The following PRRG4 variants were observed in gnomAD, a reference collection of about 807,000 sequenced individuals.
PRRG4 encodes the protein transmembrane gamma-carboxyglutamic acid protein 4.
Under a neutral mutation model 20.0 loss-of-function variants are expected in PRRG4, and 12 were observed. The observed-to-expected ratio is 0.60, with a 90% CI of 0.38 to 0.97. PRRG4 has a LOEUF of 0.97. Among genes scored for constraint, PRRG4 ranks in the 50% least tolerant of loss-of-function variants. PRRG4 has a pLI of 0.00. For synonymous variants in PRRG4, 94 were observed against 96.4 expected (o/e 0.98, Z 0.15); for missense variants, 199 against 265.1 (o/e 0.75, Z 1.73).
At chr11:32,847,296 C>A (rs572782360) in intron 5 of PRRG4, among the ~76,000 whole-genome samples, 1 of 151,342 alleles carries the variant, frequency 6.6e-6, no homozygotes, top group Non-Finnish European at 1.5e-5. Flanking sequence ...TAATAACCCA[C>A]GTTTTTTTTA....
At chr11:32,837,087 G>A (rs1851026914) in intron 3 of PRRG4, among the ~76,000 whole-genome samples, 1 of 152,154 alleles carries the variant, frequency 6.6e-6, no homozygotes, top group Non-Finnish European at 1.5e-5. Context: ...ATGGGGCAGA[G>A]TGAATTTAAC....
chr11:32,836,540 A>G, intron 2 of PRRG4, 118 bp from the exon 3 acceptor site: 1 of 480,950 alleles, frequency 2.1e-6, no homozygotes, highest in East Asian at 3.2e-5. Flanking sequence ...AAACTTTACA[A>G]AAAAGTTTGG....
rs759755035 is a variant in PRRG4 at position 32,840,343 on chromosome 11, T to A, written c.449+104T>A. 3 of 869,248 alleles carry A rather than the reference T, an allele frequency of 3.5e-6. No individual in the cohort carries two copies. Among genetic ancestry groups the A allele is most frequent in the Non-Finnish European group, 5.3e-6 (3 of 561,438 alleles). The allele number at this position is 869,248 out of a possible 1,614,324, so 53.8% of individuals were successfully genotyped here. ...TGCCTATTTTCTTAAATAAGCCTTT[T>A]ATTTTGGAAGAATTTTAGATGTATA... On this transcript the variant is annotated intron_variant, in intron 5 of 5. Transcript: ENST00000257836. The surrounding 1 kb of genome is among the most constrained non-coding windows in gnomAD (Gnocchi z 4.1).
chr11:32,845,724 G>A (rs1031557341), intron 5 of PRRG4, among the ~76,000 whole-genome samples: 43 of 151,964 alleles, frequency 2.8e-4, no homozygotes, highest in African/African-American at 9.4e-4. Context: ...TCACTTTGGC[G>A]GACATGGGTT....
chr11:32,840,321 C>T lies in PRRG4; in HGVS notation c.449+82C>T, dbSNP rs1851066281. 6.7e-6 allele frequency: 7 copies of T among 1,052,614 alleles called. No homozygotes were observed. The highest frequency in any genetic ancestry group is 9.7e-6 in the Non-Finnish European group (7 of 719,660). The allele number at this position is 1,052,614 out of a possible 1,614,324, so 65.2% of individuals were successfully genotyped here. On this transcript the variant is annotated intron_variant, in intron 5 of 5. Transcript: ENST00000257836. This position sits in a 1 kb window ranked among gnomAD's most constrained non-coding sequence, Gnocchi z 4.1. ...AACAATGGGTCAAGCAAATGGCTGC[C>T]TATTTTCTTAAATAAGCCTTTTATT...
At position 32,848,888 on chromosome 11, in the gene PRRG4, C is replaced by G. The variant is rs1851154778; in HGVS notation, c.450-4408C>G. On this transcript the variant is annotated intron_variant, in intron 5 of 5. Coordinates refer to ENST00000257836, the MANE Select transcript of PRRG4 (RefSeq NM_024081.6). ...TCGGGAGGCTGTGGCAGGAGAATCA[C>G]TCAAACTAGGGAGGTGGAGGCTGCA... 4.0e-5 allele frequency among the ~76,000 whole-genome samples: 6 copies of G among 151,090 alleles called. No individual in the cohort carries two copies. In the South Asian group the frequency reaches 1.2e-3, roughly 31 times the overall value.
intron 5 of PRRG4, 120 bp from the exon 6 acceptor site, chr11:32,853,176 C>T: frequency 1.4e-6 from 1 of 701,532 alleles, no homozygotes; most frequent in South Asian, 1.8e-5. Flanking sequence ...TAAAATAAAA[C>T]TGTTATATTA....
intron 5 of PRRG4, among the ~76,000 whole-genome samples, chr11:32,844,800 C>G (rs1851113434): frequency 6.6e-6 from 1 of 151,990 alleles, no homozygotes; most frequent in Non-Finnish European, 1.5e-5. Context: ...TGCACCCGGC[C>G]CAGCTATTAT....
chr11:32,837,525 TGATGATGATGATG>T (rs1565113768), intron 3 of PRRG4, among the ~76,000 whole-genome samples: 131 of 110,536 alleles, frequency 1.2e-3, no homozygotes, highest in African/African-American at 4.2e-3. Context: ...ATGATGATGA[TGATGATGATGATG>T]ATGATTATTA....
rs773001062 is a variant in PRRG4 at position 32,830,618 on chromosome 11, A to C, written c.89A>C (p.His30Pro). The C allele has an allele frequency of 5.0e-6, 8 of 1,613,952 alleles. No homozygotes were observed. Among genetic ancestry groups the C allele is most frequent in the African/African-American group, 1.3e-5 (1 of 75,024 alleles). ...HCARGPKASKHAGEEVFTSKE... is the reference protein window; with the variant it reads ...HCARGPKASKPAGEEVFTSKE... ...GCAAGAGGTCCAAAGGCTTCTAAGC[A>C]TGCGGGAGAAGAAGGTAAGCACTAA... Residue 30 changes from histidine (H) to proline (P), a missense_variant, in exon 2 of 6, where the codon CAT (histidine) becomes CCT (proline). Physicochemically the swap from His to Pro is moderately conservative, Grantham distance 77. Transcript: ENST00000257836.
At position 32,853,599 on chromosome 11, in the gene PRRG4, C is replaced by A; in HGVS notation, c.*72C>A. 1.6e-6 allele frequency: 2 copies of A among 1,236,222 alleles called. No homozygotes were observed. Among genetic ancestry groups the A allele is most frequent in the Non-Finnish European group, 2.3e-6 (2 of 860,924 alleles). The allele number at this position is 1,236,222 out of a possible 1,614,324, so 76.6% of individuals were successfully genotyped here. On this transcript the variant is annotated 3_prime_UTR_variant, in exon 6 of 6. Transcript: ENST00000257836. Reference sequence around the variant, plus strand: ...GGGCATGGTGGCTCATGCCTGTAATCCCAGCACTTTGGGAGGCCAGGAGTT... The same window carrying A: ...GGGCATGGTGGCTCATGCCTGTAATACCAGCACTTTGGGAGGCCAGGAGTT...
At chr11:32,851,120 C>G (rs1447107280) in intron 5 of PRRG4, among the ~76,000 whole-genome samples, 1 of 151,974 alleles carries the variant, frequency 6.6e-6, no homozygotes, top group Admixed American at 6.6e-5. Flanking sequence ...AAGACCTTTT[C>G]ATTTCTTAGT....
At chr11:32,842,649 G>C (rs1351108299) in intron 5 of PRRG4, among the ~76,000 whole-genome samples, 2 of 151,932 alleles carry the variant, frequency 1.3e-5, no homozygotes, top group Non-Finnish European at 2.9e-5. Flanking sequence ...GAACCCAGGA[G>C]GCAGAGGTTG....
intron 5 of PRRG4, among the ~76,000 whole-genome samples, chr11:32,849,840 A>T (rs572821808): frequency 6.6e-6 from 1 of 152,328 alleles, no homozygotes; most frequent in Admixed American, 6.5e-5. Flanking sequence ...AAGTTCCCCA[A>T]TGCATTATGT....
intron 2 of PRRG4, among the ~76,000 whole-genome samples, chr11:32,836,212 C>A (rs1466165077): frequency 6.6e-6 from 1 of 152,106 alleles, no homozygotes; most frequent in African/African-American, 2.4e-5. Flanking sequence ...AGTGACTTAT[C>A]TCAGAATACA....
In PRRG4 at chr11:32,853,490, G is replaced by C. The variant is rs768653468; in HGVS notation, c.644G>C (p.Arg215Thr). ...PPYPGHTKGFRVFKKSMSLPS... is the reference protein window; with the variant it reads ...PPYPGHTKGFTVFKKSMSLPS... ...TATCCTGGGCACACAAAAGGATTTA[G>C]GGTATTTAAAAAATCTATGTCTCTC... Residue 215 changes from arginine (R) to threonine (T), a missense_variant, in exon 6 of 6, where the codon AGG becomes ACG. Arg to Thr is a moderately conservative substitution (Grantham distance 71). Transcript: ENST00000257836. The C allele has an allele frequency of 8.7e-6, 14 of 1,613,998 alleles. No homozygotes were observed. Among genetic ancestry groups the C allele is most frequent in the Non-Finnish European group, 1.0e-5 (12 of 1,180,002 alleles).
intron 4 of PRRG4, 45 bp downstream of exon 4, chr11:32,838,975 T>TA: frequency 7.4e-7 from 1 of 1,355,466 alleles, no homozygotes; most frequent in Non-Finnish European, 1.1e-6. Flanking sequence ...TCATCCTCTC[T>TA]CTGTTGTAAT....
At chr11:32,844,417 C>G (rs1179198820) in intron 5 of PRRG4, among the ~76,000 whole-genome samples, 1 of 151,782 alleles carries the variant, frequency 6.6e-6, no homozygotes, top group African/African-American at 2.4e-5. Flanking sequence ...ACAAAAAGTA[C>G]TTAAGAGAGT....
chr11:32,851,720 T>C (rs1043847595), intron 5 of PRRG4, among the ~76,000 whole-genome samples: 15 of 152,202 alleles, frequency 9.9e-5, no homozygotes, highest in African/African-American at 3.6e-4. Context: ...AAGAATATTG[T>C]AAATATTGAC....
Sources: allele counts gnomAD v4.1 joint callset (sites outside exome capture counted in the v4.1 genomes callset), GRCh38; gene constraint gnomAD v4.1.1; non-coding constraint Gnocchi (gnomAD v3.1); transcripts MANE v1.5; gene names NCBI Gene and HGNC (gene_info 2026-07-23, HGNC 2026-07-21).